Variants in COL5A2 observed in about 807,000 individuals in gnomAD.
The protein encoded by COL5A2 is collagen alpha-2(V) chain.
In COL5A2, 23 loss-of-function variants were observed where a neutral mutation model predicts 208.2. That is an observed-to-expected ratio of 0.11 (90% confidence interval 0.08 to 0.16). The LOEUF (loss-of-function observed/expected upper bound fraction) is 0.16. Among genes scored for constraint, COL5A2 ranks in the 10% least tolerant of loss-of-function variants. COL5A2 has a pLI of 1.00. For missense variants in COL5A2, 1,590 were observed against 1,956.4 expected (o/e 0.81, Z 3.53); for synonymous variants, 625 against 628.5 (o/e 0.99, Z 0.08).
chr2:189,056,164 C>T (rs1685896603), intron 35 of COL5A2, among the ~76,000 whole-genome samples: 1 of 152,108 alleles, frequency 6.6e-6, no homozygotes, highest in Admixed American at 6.6e-5. Context: ...ACTCAATGTG[C>T]AGAACCAAAT....
At chr2:189,051,294 G>C in intron 42 of COL5A2, 26 bp downstream of exon 42, 1 of 1,613,980 alleles carries the variant, frequency 6.2e-7, no homozygotes, top group East Asian at 2.2e-5. Flanking sequence ...GTTGAAGGTG[G>C]TCTGGAACGG....
chr2:189,401,278 A>C, the COL5A2 span, among the ~76,000 whole-genome samples: 1 of 152,124 alleles, frequency 6.6e-6, no homozygotes, highest in East Asian at 1.9e-4. Flanking sequence ...AGGTGTTCTC[A>C]TCATTCAGCT....
At chr2:189,331,341 CA>C in the COL5A2 span, among the ~76,000 whole-genome samples, 1 of 152,078 alleles carries the variant, frequency 6.6e-6, no homozygotes, top group Non-Finnish European at 1.5e-5. Context: ...CCATCCTGGT[CA>C]ACATGGTGAA....
rs1450927278 is a variant in COL5A2 at position 189,140,744 on chromosome 2, AG to A, written c.98-30296del. Among the ~76,000 whole-genome samples, 4 of 152,304 alleles carry A rather than the reference AG, an allele frequency of 2.6e-5. No individual in the cohort carries two copies. In the East Asian group the frequency reaches 7.7e-4, roughly 29 times the overall value. ...ATGTATACTAAGAAAAATAGTTTCTAGTATCAGAAGACATAGCTCTAGTAAT... is the reference window on the plus strand; with the variant it reads ...ATGTATACTAAGAAAAATAGTTTCTATATCAGAAGACATAGCTCTAGTAAT... On this transcript the variant is annotated intron_variant, in intron 1 of 53. Transcript: ENST00000374866.
the COL5A2 span, among the ~76,000 whole-genome samples, chr2:189,331,042 T>C: frequency 3.3e-5 from 5 of 152,214 alleles, no homozygotes; most frequent in South Asian, 1.0e-3. Flanking sequence ...TTTTATGAGA[T>C]TGCGAAAAAT....
At chr2:189,159,488 A>G (rs1347555647) in intron 1 of COL5A2, among the ~76,000 whole-genome samples, 2 of 152,106 alleles carry the variant, frequency 1.3e-5, no homozygotes, top group South Asian at 2.1e-4. Flanking sequence ...AACAATTAGG[A>G]TTGTCTCACT....
intron 13 of COL5A2, 94 bp from the exon 14 acceptor site, chr2:189,080,125 TA>T: frequency 1.2e-6 from 1 of 861,444 alleles, no homozygotes; most frequent in Non-Finnish European, 1.9e-6. Flanking sequence ...AATTGCCTTA[TA>T]AAAATGAATA....
chr2:189,330,112 C>G, the COL5A2 span, among the ~76,000 whole-genome samples: 1 of 152,116 alleles, frequency 6.6e-6, no homozygotes, highest in Non-Finnish European at 1.5e-5. Flanking sequence ...CAGCTACACA[C>G]CAATTCCCCA....
intron 2 of COL5A2, among the ~76,000 whole-genome samples, chr2:189,109,238 G>C (rs1266967667): frequency 6.6e-6 from 1 of 151,706 alleles, no homozygotes; most frequent in African/African-American, 2.4e-5. Context: ...TTATTCCTGG[G>C]CTGTTTTGAT....
chr2:189,286,525 A>G, the COL5A2 span, among the ~76,000 whole-genome samples: 1 of 151,958 alleles, frequency 6.6e-6, no homozygotes, highest in Non-Finnish European at 1.5e-5. Flanking sequence ...CATGGGAGGT[A>G]CTCGGAGGGA....
chr2:189,178,855 T>C (rs1688730955), intron 1 of COL5A2, among the ~76,000 whole-genome samples: 1 of 152,032 alleles, frequency 6.6e-6, no homozygotes, highest in Non-Finnish European at 1.5e-5. Context: ...ATCAAGCCAG[T>C]AGGGTGGGAA....
chr2:189,178,925 A>G (rs1358944971), intron 1 of COL5A2, among the ~76,000 whole-genome samples: 7 of 152,170 alleles, frequency 4.6e-5, no homozygotes, highest in Admixed American at 3.3e-4. Flanking sequence ...AACAAACGAG[A>G]CTGCCTCCCA....
At chr2:189,296,447 C>T in the COL5A2 span, among the ~76,000 whole-genome samples, 1 of 152,068 alleles carries the variant, frequency 6.6e-6, no homozygotes, top group African/African-American at 2.4e-5. Flanking sequence ...TTCTAGTGAC[C>T]AATTTTTCTC....
the COL5A2 span, among the ~76,000 whole-genome samples, chr2:189,370,987 T>C: frequency 2.6e-5 from 4 of 152,162 alleles, no homozygotes; most frequent in Admixed American, 2.0e-4. Context: ...GTTTGGATCA[T>C]GGGTGCAGAT....
the COL5A2 span, among the ~76,000 whole-genome samples, chr2:189,397,510 T>C: frequency 6.6e-6 from 1 of 152,206 alleles, no homozygotes; most frequent in South Asian, 2.1e-4. Flanking sequence ...ATTTCTTTAA[T>C]GAATCCAAGA....
intron 8 of COL5A2, among the ~76,000 whole-genome samples, chr2:189,088,468 A>C (rs1274708396): frequency 6.6e-6 from 1 of 152,196 alleles, no homozygotes; most frequent in African/African-American, 2.4e-5. Context: ...AAATGTACAG[A>C]TAGACCTTTA....
the COL5A2 span, among the ~76,000 whole-genome samples, chr2:189,374,442 C>T: frequency 2.4e-4 from 37 of 151,790 alleles, 1 homozygote; most frequent in African/African-American, 7.0e-4. Flanking sequence ...ATTTTAATTA[C>T]TTTCACTTAT....
Position 189,086,713 on chromosome 2 carries a change from T to C in COL5A2, c.690+13A>G, listed in dbSNP as rs1425034241. On this transcript the variant is annotated intron_variant, in intron 9 of 53. Coordinates refer to ENST00000374866, the MANE Select transcript of COL5A2 (RefSeq NM_000393.5). ...TTTTCTTACAGCATGTAATTAATTA[T>C]AAAGAGACTTACTTGCTGTCCTTGT... The C allele has an allele frequency of 3.8e-6, 6 of 1,567,698 alleles. No homozygotes were observed. In the East Asian group the frequency reaches 1.4e-4, roughly 36 times the overall value.
At chr2:189,358,444 T>G in the COL5A2 span, among the ~76,000 whole-genome samples, 260 of 152,336 alleles carry the variant, frequency 1.7e-3, no homozygotes, top group African/African-American at 6.0e-3. Context: ...CTGCTGTATT[T>G]ATGACATTTT....
Sources: allele counts gnomAD v4.1 joint callset (sites outside exome capture counted in the v4.1 genomes callset), GRCh38; gene constraint gnomAD v4.1.1; transcripts MANE v1.5; gene names NCBI Gene and HGNC (gene_info 2026-07-23, HGNC 2026-07-21).